Variants in CACNB2 observed in about 807,000 individuals in gnomAD.
CACNB2 encodes the protein calcium voltage-gated channel auxiliary subunit beta 2.
CACNB2 carries 42 observed loss-of-function variants against 73.3 expected under a neutral mutation model. The ratio of observed to expected loss-of-function variants is 0.57; its 90% CI spans 0.45 to 0.74. The LOEUF (loss-of-function observed/expected upper bound fraction) is 0.74. Among genes scored for constraint, CACNB2 ranks in the 30% least tolerant of loss-of-function variants. The pLI is 0.00. For synonymous variants in CACNB2, 348 were observed against 310.3 expected (o/e 1.12, Z -1.28); for missense variants, 940 against 853.0 (o/e 1.10, Z -1.27).
chr10:18,171,551 G>GATT (rs2033243107), intron 2 of CACNB2, among the ~76,000 whole-genome samples: 1 of 55,784 alleles, frequency 1.8e-5, no homozygotes, highest in East Asian at 2.5e-4. Flanking sequence ...AAAAAAAAAG[G>GATT]CTATTTGTTC....
chr10:18,277,817 A>G (rs777665167), intron 2 of CACNB2, among the ~76,000 whole-genome samples: 1 of 152,210 alleles, frequency 6.6e-6, no homozygotes, highest in Admixed American at 6.6e-5. Flanking sequence ...AGAATGAGAC[A>G]TCGCTTTCAT....
At chr10:18,481,316 G>A (rs1432197319) in intron 3 of CACNB2, among the ~76,000 whole-genome samples, 4 of 125,632 alleles carry the variant, frequency 3.2e-5, no homozygotes, top group Admixed American at 9.5e-5. Flanking sequence ...GCATGATCTC[G>A]GCTCACTGCA....
chr10:18,358,533 T>TGGAG (rs2042017473), intron 2 of CACNB2, among the ~76,000 whole-genome samples: 5 of 35,456 alleles, frequency 1.4e-4, no homozygotes, highest in South Asian at 9.4e-4. Context: ...TCTCTCTCTC[T>TGGAG]CTCTCTCTCT....
At chr10:18,367,667 C>T (rs887458243) in intron 2 of CACNB2, among the ~76,000 whole-genome samples, 2 of 152,078 alleles carry the variant, frequency 1.3e-5, no homozygotes, top group African/African-American at 2.4e-5. Flanking sequence ...TAAAAATTCA[C>T]ATTTATCAAT....
chr10:18,174,970 C>T (rs372272300), intron 2 of CACNB2, among the ~76,000 whole-genome samples: 6 of 152,130 alleles, frequency 3.9e-5, no homozygotes, highest in African/African-American at 1.4e-4. Context: ...TATAGCAGCA[C>T]TAACATAACA....
intron 2 of CACNB2, among the ~76,000 whole-genome samples, chr10:18,176,250 A>G (rs941143521): frequency 1.6e-4 from 24 of 152,198 alleles, no homozygotes; most frequent in Admixed American, 1.2e-3. Flanking sequence ...CCACCAATAT[A>G]AAATAGAAGA....
intron 12 of CACNB2, 68 bp downstream of exon 12, chr10:18,536,264 TTTTTTTTTTG>T (rs1156343810): frequency 1.1e-5 from 6 of 529,848 alleles, no homozygotes; most frequent in Non-Finnish European, 1.5e-5. Flanking sequence ...TTTTTTTTTT[TTTTTTTTTTG>T]GGGGACAAGG....
chr10:18,519,381 C>G (rs1474265735), intron 9 of CACNB2, among the ~76,000 whole-genome samples: 1 of 152,210 alleles, frequency 6.6e-6, no homozygotes, highest in Non-Finnish European at 1.5e-5. Flanking sequence ...CCCCAGTGAA[C>G]TTGCTTCCGT....
chr10:18,309,745 C>T (rs1481629984), intron 2 of CACNB2, among the ~76,000 whole-genome samples: 1 of 152,154 alleles, frequency 6.6e-6, no homozygotes, highest in Non-Finnish European at 1.5e-5. Context: ...GTGTGAGCCA[C>T]CTCGCCCAGC....
In CACNB2 at chr10:18,403,436, G is replaced by T. The variant is rs75420886; in HGVS notation, c.333+1393G>T. Among the ~76,000 whole-genome samples, 876 of 152,272 alleles carry T rather than the reference G, an allele frequency of 5.8e-3. 18 individuals are homozygous for T. In the East Asian group the frequency reaches 0.067, roughly 12 times the overall value. On this transcript the variant is annotated intron_variant, in intron 3 of 13. Coordinates refer to ENST00000324631, the MANE Select transcript of CACNB2 (RefSeq NM_201596.3). The stretch of plus-strand genomic sequence containing the variant: ...GAAGAGTACAAAAAAACTACAGTTT[G>T]TATTCCGAAAATAAGATTGTTCTAT...
chr10:18,155,785 T>C (rs1037890805), intron 2 of CACNB2, among the ~76,000 whole-genome samples: 4 of 151,926 alleles, frequency 2.6e-5, no homozygotes, highest in African/African-American at 9.7e-5. Flanking sequence ...GTGGTATTAA[T>C]ACCCATTTTT....
chr10:18,259,892 A>T (rs2037460799), intron 2 of CACNB2, among the ~76,000 whole-genome samples: 1 of 152,174 alleles, frequency 6.6e-6, no homozygotes, highest in African/African-American at 2.4e-5. Context: ...CTTGGGCAGT[A>T]GAGTAAGACC....
At position 18,539,973 on chromosome 10, in the gene CACNB2, A is replaced by C; in HGVS notation, c.*249A>C. 2.4e-6 allele frequency: 1 copy of C among 416,176 alleles called. No homozygotes were observed. The highest frequency in any genetic ancestry group is 4.3e-6 in the Non-Finnish European group (1 of 232,872). 25.8% of individuals were successfully genotyped at this position (416,176 alleles called of 1,614,324 possible). A position where few individuals can be genotyped will look rare whatever the true frequency, so the allele number is the denominator to read the frequency against. ...CCGGTTGCATACTGGACTCTTCAAA[A>C]ACTGTTTTGGGTAGCTGCCACTTGA... On this transcript the variant is annotated 3_prime_UTR_variant, in exon 14 of 14. Coordinates refer to ENST00000324631, the MANE Select transcript of CACNB2 (RefSeq NM_201596.3).
At position 18,288,698 on chromosome 10, in the gene CACNB2, C is replaced by T. The variant is rs143228559; in HGVS notation, c.214-113226C>T. On this transcript the variant is annotated intron_variant, in intron 2 of 13. Coordinates refer to ENST00000324631, the MANE Select transcript of CACNB2 (RefSeq NM_201596.3). ...TTATACACACACACACACACACACACACACACAGAGATACCCAGTAGATGC... is the reference window on the plus strand; with the variant it reads ...TTATACACACACACACACACACACATACACACAGAGATACCCAGTAGATGC... Among the ~76,000 whole-genome samples, 40 of 151,978 alleles carry T rather than the reference C, an allele frequency of 2.6e-4. No individual in the cohort carries two copies. In the East Asian group the frequency reaches 7.4e-3, roughly 28 times the overall value.
intron 3 of CACNB2, among the ~76,000 whole-genome samples, chr10:18,443,382 C>G (rs1011214036): frequency 6.6e-6 from 1 of 152,006 alleles, no homozygotes; most frequent in Admixed American, 6.6e-5. Flanking sequence ...AATGAGGCTT[C>G]TGACAAGCAG....
intron 2 of CACNB2, among the ~76,000 whole-genome samples, chr10:18,275,451 A>T (rs779476630): frequency 1.3e-5 from 2 of 152,182 alleles, no homozygotes; most frequent in Non-Finnish European, 2.9e-5. Flanking sequence ...AAGAGTATGC[A>T]CAGAATATTA....
intron 3 of CACNB2, among the ~76,000 whole-genome samples, chr10:18,428,931 C>T (rs1174057439): frequency 2.0e-5 from 3 of 152,140 alleles, no homozygotes; most frequent in African/African-American, 7.2e-5. Flanking sequence ...CTTAACCTTA[C>T]ACACCAAATA....
chr10:18,390,286 C>A (rs1231329508), intron 2 of CACNB2, among the ~76,000 whole-genome samples: 1 of 152,232 alleles, frequency 6.6e-6, no homozygotes, highest in African/African-American at 2.4e-5. Flanking sequence ...GATCTTGGCT[C>A]ACTGCAACCT....
At chr10:18,185,511 A>G (rs1389131072) in intron 2 of CACNB2, among the ~76,000 whole-genome samples, 1 of 152,218 alleles carries the variant, frequency 6.6e-6, no homozygotes, top group Non-Finnish European at 1.5e-5. Flanking sequence ...TGCCCTGGAA[A>G]TGTTGAAAGG....
Sources: allele counts gnomAD v4.1 joint callset (sites outside exome capture counted in the v4.1 genomes callset), GRCh38; gene constraint gnomAD v4.1.1; transcripts MANE v1.5; gene names NCBI Gene and HGNC (gene_info 2026-07-23, HGNC 2026-07-21).